Variants in PTPRT observed in about 807,000 individuals in gnomAD.
PTPRT encodes protein tyrosine phosphatase receptor type T, also known as receptor-type tyrosine-protein phosphatase T.
Under a neutral mutation model 176.8 loss-of-function variants are expected in PTPRT, and 56 were observed. The observed-to-expected ratio is 0.32, with a 90% CI of 0.26 to 0.40. The LOEUF (loss-of-function observed/expected upper bound fraction) is 0.40. Ranked by LOEUF, PTPRT falls within the 10% of genes least tolerant of loss-of-function variation. The pLI, the probability that PTPRT is intolerant of heterozygous loss-of-function variation, is 1.00. For missense variants in PTPRT, 1,540 were observed against 1,908.2 expected (o/e 0.81, Z 3.60); for synonymous variants, 783 against 739.0 (o/e 1.06, Z -0.96).
intron 2 of PTPRT, among the ~76,000 whole-genome samples, chr20:42,863,085 T>C (rs1032710821): frequency 6.6e-6 from 1 of 152,174 alleles, no homozygotes; most frequent in African/African-American, 2.4e-5. Flanking sequence ...TCCTCTGTAG[T>C]AGATGGTAAC....
At chr20:42,864,519 T>C (rs573615784) in intron 2 of PTPRT, among the ~76,000 whole-genome samples, 7 of 152,340 alleles carry the variant, frequency 4.6e-5, no homozygotes, top group African/African-American at 7.2e-5. Context: ...CATTTTGTTC[T>C]GTGTGTTCTC....
chr20:42,506,292 A>G (rs2145435015), intron 7 of PTPRT, among the ~76,000 whole-genome samples: 1 of 152,326 alleles, frequency 6.6e-6, no homozygotes, highest in Middle Eastern at 3.4e-3. Context: ...TGTGATTTAA[A>G]AATGAGTACA....
intron 23 of PTPRT, among the ~76,000 whole-genome samples, chr20:42,108,989 A>G (rs1158791520): frequency 6.6e-6 from 1 of 152,156 alleles, no homozygotes; most frequent in East Asian, 1.9e-4. Flanking sequence ...TCTTTGGGAT[A>G]TAGAGATGGG....
intron 7 of PTPRT, among the ~76,000 whole-genome samples, chr20:42,479,821 C>G (rs2071354613): frequency 6.6e-6 from 1 of 152,150 alleles, no homozygotes; most frequent in South Asian, 2.1e-4. Context: ...AAATCTGAAA[C>G]ATTTCTGGTT....
chr20:43,139,899 C>A (rs1367676226), intron 1 of PTPRT, among the ~76,000 whole-genome samples: 2 of 152,152 alleles, frequency 1.3e-5, no homozygotes, highest in Non-Finnish European at 2.9e-5. Flanking sequence ...GAGACAAAAG[C>A]CTCCAAGGGA....
At chr20:42,619,987 A>G (rs1469314151) in intron 7 of PTPRT, among the ~76,000 whole-genome samples, 1 of 149,754 alleles carries the variant, frequency 6.7e-6, no homozygotes, top group Non-Finnish European at 1.5e-5. Flanking sequence ...CTGGTGAGGA[A>G]CTGCGTTCCT....
At chr20:42,082,130 A>G in intron 29 of PTPRT, 113 bp from the exon 30 acceptor site, 1 of 1,457,192 alleles carries the variant, frequency 6.9e-7, no homozygotes, top group Non-Finnish European at 9.5e-7. Context: ...GATGCAAGGC[A>G]AGGCAATGGT....
rs145047217 is a variant in PTPRT at position 43,021,996 on chromosome 20, G to C, written c.89-136064C>G. Among the ~76,000 whole-genome samples the C allele has an allele frequency of 3.6e-3, 550 of 152,288 alleles. 6 individuals carry two copies. The highest frequency in any genetic ancestry group is 5.2e-3 in the Non-Finnish European group (353 of 68,030). ...GGACAAAAGAGGTATGAGCTACTGA[G>C]TTGGCTTCCCTTTTAAGGATCTTTC... is the stretch of plus-strand genomic sequence containing the variant. On this transcript the variant is annotated intron_variant, in intron 1 of 30. Coordinates refer to ENST00000373187, the MANE Select transcript of PTPRT (RefSeq NM_007050.6).
chr20:42,947,074 G>A (rs1980928448), intron 1 of PTPRT, among the ~76,000 whole-genome samples: 1 of 152,182 alleles, frequency 6.6e-6, no homozygotes, highest in Admixed American at 6.5e-5. Flanking sequence ...GGGATTTTGA[G>A]CCGTGCTTCC....
At position 42,750,145 on chromosome 20, in the gene PTPRT, T is replaced by C. The variant is rs182869115; in HGVS notation, c.859+6317A>G. ...AGAAGAGGGAGACCTTAAGATGATC[T>C]AAATTTAAATTTTCATAGTATGTAC... On this transcript the variant is annotated intron_variant, in intron 6 of 30. Coordinates refer to ENST00000373187, the MANE Select transcript of PTPRT (RefSeq NM_007050.6). Among the ~76,000 whole-genome samples the C allele has an allele frequency of 5.9e-5, 9 of 152,330 alleles. No homozygotes were observed. The East Asian group carries it at 1.5e-3, about 26-fold the overall frequency.
chr20:43,143,675 G>A (rs2014085444), intron 1 of PTPRT, among the ~76,000 whole-genome samples: 1 of 152,086 alleles, frequency 6.6e-6, no homozygotes, highest in Non-Finnish European at 1.5e-5. Flanking sequence ...AAAGGGTACT[G>A]GGATTCCAAA....
intron 6 of PTPRT, among the ~76,000 whole-genome samples, chr20:42,691,117 C>A (rs1450848378): frequency 6.6e-6 from 1 of 152,224 alleles, no homozygotes; most frequent in East Asian, 1.9e-4. Flanking sequence ...TCGATAAAAT[C>A]AATGTCAGCT....
chr20:42,660,955 G>C (rs1422652460), intron 7 of PTPRT, among the ~76,000 whole-genome samples: 1 of 152,048 alleles, frequency 6.6e-6, no homozygotes, highest in South Asian at 2.1e-4. Flanking sequence ...GGGTTTAAGT[G>C]ATTCTCCTGC....
the PTPRT span, among the ~76,000 whole-genome samples, chr20:42,062,742 C>T: frequency 2.6e-5 from 4 of 152,192 alleles, no homozygotes; most frequent in African/African-American, 7.2e-5. Flanking sequence ...TGGCCTATAC[C>T]ACTGTTTCTG....
chr20:42,875,267 T>C (rs2078911819), intron 2 of PTPRT, among the ~76,000 whole-genome samples: 1 of 152,210 alleles, frequency 6.6e-6, no homozygotes, highest in African/African-American at 2.4e-5. Flanking sequence ...AGGACATTGT[T>C]AGGAAACTTG....
intron 7 of PTPRT, among the ~76,000 whole-genome samples, chr20:42,507,830 G>A (rs543405804): frequency 5.7e-4 from 86 of 151,140 alleles, no homozygotes; most frequent in African/African-American, 2.0e-3. Context: ...CAGGGATCAG[G>A]TAGAATTTCA....
At chr20:42,086,726 CAAAAAAAAA>C (rs367948746) in intron 27 of PTPRT, among the ~76,000 whole-genome samples, 2,503 of 82,194 alleles carry the variant, frequency 0.03, 310 homozygotes, top group African/African-American at 0.052. Flanking sequence ...GACTCCATCT[CAAAAAAAAA>C]AAAAAAAAAA....
intron 7 of PTPRT, among the ~76,000 whole-genome samples, chr20:42,529,510 G>T (rs539185413): frequency 1.3e-5 from 2 of 151,958 alleles, no homozygotes; most frequent in African/African-American, 4.8e-5. Flanking sequence ...TTTTGGAGAT[G>T]GAGTCTCACT....
chr20:42,187,499 C>A (rs989525505), intron 16 of PTPRT, among the ~76,000 whole-genome samples: 1 of 152,206 alleles, frequency 6.6e-6, no homozygotes, highest in African/African-American at 2.4e-5. Context: ...CTTTGCCCAT[C>A]CTTGGCCCTT....
Sources: allele counts gnomAD v4.1 joint callset (sites outside exome capture counted in the v4.1 genomes callset), GRCh38; gene constraint gnomAD v4.1.1; transcripts MANE v1.5; gene names NCBI Gene and HGNC (gene_info 2026-07-23, HGNC 2026-07-21).